The following THAP12 variants were observed in gnomAD, a reference collection of about 807,000 sequenced individuals.
THAP12 encodes 52 kDa repressor of the inhibitor of the protein kinase.
A neutral mutation model predicts 63.0 loss-of-function variants in THAP12; 20 were observed. The observed-to-expected ratio is 0.32, with a 90% CI of 0.22 to 0.46. The LOEUF (loss-of-function observed/expected upper bound fraction) is 0.46, where lower values mean the gene tolerates loss of function less well. Among genes scored for constraint, THAP12 ranks in the 20% least tolerant of loss-of-function variants. The probability of loss-of-function intolerance (pLI) is 1.00; values close to 1 mark genes in which losing one functional copy is unlikely to be tolerated. For synonymous variants in THAP12, 264 were observed against 328.4 expected (o/e 0.80, Z 2.12); for missense variants, 568 against 908.2 (o/e 0.63, Z 4.81).
chr11:76,373,135 C>T (rs1946685503), intron 1 of THAP12, among the ~76,000 whole-genome samples: 1 of 152,026 alleles, frequency 6.6e-6, no homozygotes, highest in South Asian at 2.1e-4. Flanking sequence ...GAATACACTA[C>T]GTAAGTACTG....
intron 1 of THAP12, among the ~76,000 whole-genome samples, chr11:76,374,002 C>T (rs553633132): frequency 1.3e-5 from 2 of 152,310 alleles, no homozygotes; most frequent in Non-Finnish European, 2.9e-5. Context: ...TTGCAAATCT[C>T]TTTAACGTCC....
At chr11:76,369,786 T>C (rs1191837941) in intron 1 of THAP12, among the ~76,000 whole-genome samples, 1 of 152,246 alleles carries the variant, frequency 6.6e-6, no homozygotes. Context: ...TGTTGCCACA[T>C]TTCCACCACT....
chr11:76,375,747 T>G lies in THAP12; in HGVS notation c.89+5001A>C, dbSNP rs373309371. Among the ~76,000 whole-genome samples, 296 of 85,472 alleles carry G rather than the reference T, an allele frequency of 3.5e-3. 3 individuals carry two copies. The East Asian group carries it at 0.058, about 17-fold the overall frequency. 56.1% of individuals were successfully genotyped at this position (85,472 alleles called of 152,430 possible). ...TACAACCTGTTTATAGAAGAAAAGG[T>G]GGGGGGGGGGTGGGTTAGAACTAAT... is the stretch of plus-strand genomic sequence containing the variant. On this transcript the variant is annotated intron_variant, in intron 1 of 4. Transcript: ENST00000260045.
intron 1 of THAP12, among the ~76,000 whole-genome samples, chr11:76,378,593 C>T (rs1946727188): frequency 6.6e-6 from 1 of 151,048 alleles, no homozygotes. Flanking sequence ...AGAAAGACAT[C>T]TATTCTTTTT....
chr11:76,365,717 A>C, intron 2 of THAP12, 135 bp downstream of exon 2: 1 of 1,191,060 alleles, frequency 8.4e-7, no homozygotes, highest in Non-Finnish European at 1.1e-6. Context: ...TTCAGCTCCA[A>C]ATCTGTCTTC....
At chr11:76,374,951 G>C (rs1946698910) in intron 1 of THAP12, among the ~76,000 whole-genome samples, 1 of 152,174 alleles carries the variant, frequency 6.6e-6, no homozygotes, top group Admixed American at 6.5e-5. Context: ...AAGAAGCCAA[G>C]AGTGAGCCCT....
rs1434453173 is a variant in THAP12, at chr11:76,380,866, TC to T, written c.-31del. ...GCCCGCCCGCCGGCCGGCCCAGCCC[TC>T]CCCTCCCCGCCTCCTCAGGGCAGTC... On this transcript the variant is annotated 5_prime_UTR_variant, in exon 1 of 5. Coordinates refer to ENST00000260045, the MANE Select transcript of THAP12 (RefSeq NM_004705.4). 6.5e-6 allele frequency: 8 copies of T among 1,226,786 alleles called. No homozygotes were observed. Among genetic ancestry groups the T allele is most frequent in the Admixed American group, 3.0e-5 (1 of 32,912 alleles). The allele number at this position is 1,226,786 out of a possible 1,614,324, so 76.0% of individuals were successfully genotyped here.
Position 76,363,756 on chromosome 11 carries a change from A to AT in THAP12, c.210+2095dup, listed in dbSNP as rs764212621. Among the ~76,000 whole-genome samples, 58 of 151,786 alleles carry AT rather than the reference A, an allele frequency of 3.8e-4. 1 individual carries two copies. In the East Asian group the frequency reaches 7.0e-3, roughly 18 times the overall value. ...CGTGTGCACCGCCATGCCCAGCAAA[A>AT]TTTTTTTTGTTTTGTTTTGTTTGGT... On this transcript the variant is annotated intron_variant, in intron 2 of 4. Transcript: ENST00000260045.
Position 76,380,984 on chromosome 11 carries a change from C to A in THAP12, c.-148G>T. 2 of 325,506 alleles carry A rather than the reference C, an allele frequency of 6.1e-6. No individual in the cohort carries two copies. The highest frequency in any genetic ancestry group is 1.0e-5 in the Non-Finnish European group (2 of 194,822). The allele number at this position is 325,506 out of a possible 1,614,324, so 20.2% of individuals were successfully genotyped here. A position where few individuals can be genotyped will look rare whatever the true frequency, so the allele number is the denominator to read the frequency against. On this transcript the variant is annotated 5_prime_UTR_variant, in exon 1 of 5. Coordinates refer to ENST00000260045, the MANE Select transcript of THAP12 (RefSeq NM_004705.4). ...GGGGAGGGGCGGGCGGGCTAGAAGCCGCGAGGGCCAGGAGGGGTGCCGCGG... is the reference window on the plus strand; with the variant it reads ...GGGGAGGGGCGGGCGGGCTAGAAGCAGCGAGGGCCAGGAGGGGTGCCGCGG...
intron 1 of THAP12, among the ~76,000 whole-genome samples, chr11:76,367,734 T>C (rs538221602): frequency 1.3e-5 from 2 of 152,330 alleles, no homozygotes; most frequent in South Asian, 4.1e-4. Flanking sequence ...AACATATTCC[T>C]TTATAATTAA....
chr11:76,366,354 T>C (rs1237301290), intron 1 of THAP12, among the ~76,000 whole-genome samples: 2 of 152,082 alleles, frequency 1.3e-5, no homozygotes, highest in African/African-American at 4.8e-5. Flanking sequence ...GATTTCAACT[T>C]CAACAAGCAT....
intron 2 of THAP12, chr11:76,364,464 A>G: frequency 2.3e-6 from 1 of 436,114 alleles, no homozygotes; most frequent in South Asian, 1.6e-5. Context: ...ATTGCTGCAT[A>G]ACAACATATA....
At chr11:76,376,505 C>T (rs1317692540) in intron 1 of THAP12, among the ~76,000 whole-genome samples, 3 of 151,938 alleles carry the variant, frequency 2.0e-5, no homozygotes, top group African/African-American at 7.3e-5. Flanking sequence ...AAGGGGAGGA[C>T]TATCATTAGA....
rs1023003604 is a variant in THAP12, at chr11:76,350,771, G to A, written c.*93C>T. On this transcript the variant is annotated 3_prime_UTR_variant, in exon 5 of 5. Coordinates refer to ENST00000260045, the MANE Select transcript of THAP12 (RefSeq NM_004705.4). The stretch of plus-strand genomic sequence containing the variant: ...CTAATGTATTCAATGGAGTCCTATA[G>A]GCAAAGATATTTAGTGATTAAGTGG... The A allele has an allele frequency of 2.2e-6, 3 of 1,356,490 alleles. No individual in the cohort carries two copies. In the African/African-American group the frequency reaches 4.5e-5, roughly 20 times the overall value. The allele number at this position is 1,356,490 out of a possible 1,614,324, so 84.0% of individuals were successfully genotyped here.
intron 3 of THAP12, chr11:76,358,364 G>C (rs1217616286): frequency 2.0e-5 from 3 of 152,074 alleles, no homozygotes; most frequent in Admixed American, 1.3e-4. Flanking sequence ...AAAGCAAATA[G>C]ACATATTGCA....
At chr11:76,365,994 A>G in intron 1 of THAP12, 22 bp from the exon 2 acceptor site, 1 of 1,606,530 alleles carries the variant, frequency 6.2e-7, no homozygotes, top group South Asian at 1.1e-5. Flanking sequence ...ACCAAAATAC[A>G]ATTATGAAAA....
At position 76,354,316 on chromosome 11, in the gene THAP12, A is replaced by C. The variant is rs1946546353; in HGVS notation, c.355+1302T>G. Among the ~76,000 whole-genome samples, 5 of 152,310 alleles carry C rather than the reference A, an allele frequency of 3.3e-5. No homozygotes were observed. In the South Asian group the frequency reaches 8.3e-4, roughly 25 times the overall value. On this transcript the variant is annotated intron_variant, in intron 4 of 4. Transcript: ENST00000260045. ...TGCTATTCATTATATGTGACACAGC[A>C]GTGGTTCTATACTAGGGAGGCTTCC...
At chr11:76,359,948 G>A (rs1021177169) in intron 3 of THAP12, among the ~76,000 whole-genome samples, 2 of 152,170 alleles carry the variant, frequency 1.3e-5, no homozygotes, top group African/African-American at 4.8e-5. Context: ...ATAAAACAGT[G>A]TGGTATAGTT....
intron 1 of THAP12, chr11:76,368,749 A>C (rs1164173615): frequency 6.6e-6 from 1 of 152,248 alleles, no homozygotes; most frequent in East Asian, 1.9e-4. Flanking sequence ...CTTGTACACC[A>C]TACACAAAAA....
Sources: gnomAD v4.1 joint callset for allele counts (sites outside exome capture counted in the v4.1 genomes callset) on GRCh38, gnomAD v4.1.1 for gene constraint, MANE v1.5 for transcripts, NCBI Gene and HGNC (gene_info 2026-07-23, HGNC 2026-07-21) for gene names.